RCAN2: variants seen among roughly 807,000 people sequenced by gnomAD.
RCAN2 encodes the protein calcipressin-2.
RCAN2 carries 9 observed loss-of-function variants against 23.6 expected under a neutral mutation model. That is an observed-to-expected ratio of 0.38 (90% CI 0.23 to 0.67). The LOEUF is 0.67. Ranked by LOEUF, RCAN2 falls within the 30% of genes least tolerant of loss-of-function variation. The pLI is 0.51. For missense variants in RCAN2, 273 were observed against 302.3 expected, an observed-to-expected ratio of 0.90 and a Z score of 0.72; for synonymous variants, 109 against 115.7, an observed-to-expected ratio of 0.94 and a Z score of 0.37.
chr6:46,367,645 T>C (rs1201560800), intron 2 of RCAN2, among the ~76,000 whole-genome samples: 2 of 152,210 alleles, frequency 1.3e-5, no homozygotes, highest in East Asian at 3.9e-4. Flanking sequence ...GGATGATGTA[T>C]TTTACACATC....
At chr6:46,396,985 C>T (rs930562527) in intron 2 of RCAN2, among the ~76,000 whole-genome samples, 1 of 152,000 alleles carries the variant, frequency 6.6e-6, no homozygotes, top group Non-Finnish European at 1.5e-5. Flanking sequence ...GTGGCATGCT[C>T]CTGTAATCCT....
chr6:46,440,809 T>C (rs1418582887), intron 2 of RCAN2, among the ~76,000 whole-genome samples: 1 of 152,120 alleles, frequency 6.6e-6, no homozygotes, highest in East Asian at 1.9e-4. Flanking sequence ...CTGGAACTAG[T>C]TCTAAAAGAA....
intron 2 of RCAN2, among the ~76,000 whole-genome samples, chr6:46,312,384 C>A (rs144238908): frequency 6.6e-6 from 1 of 152,106 alleles, no homozygotes; most frequent in Non-Finnish European, 1.5e-5. Context: ...TTTCCACTTA[C>A]GAGTTTTTAG....
intron 2 of RCAN2, among the ~76,000 whole-genome samples, chr6:46,315,597 G>C (rs775667143): frequency 3.9e-5 from 6 of 152,160 alleles, no homozygotes; most frequent in Non-Finnish European, 7.4e-5. Context: ...GAGGTCAGCA[G>C]GGCTGTTGGG....
At chr6:46,278,022 T>C (rs543813926) in intron 2 of RCAN2, among the ~76,000 whole-genome samples, 4 of 152,252 alleles carry the variant, frequency 2.6e-5, no homozygotes, top group African/African-American at 7.2e-5. Context: ...ATCTCCTAGC[T>C]TGAAAGTCAC....
At chr6:46,361,606 G>A (rs551822715) in intron 2 of RCAN2, among the ~76,000 whole-genome samples, 8 of 152,262 alleles carry the variant, frequency 5.3e-5, no homozygotes, top group Non-Finnish European at 1.0e-4. Flanking sequence ...AAATGACTTC[G>A]TTTAAAGTTT....
At chr6:46,320,021 A>G (rs1763559373) in intron 2 of RCAN2, among the ~76,000 whole-genome samples, 1 of 152,196 alleles carries the variant, frequency 6.6e-6, no homozygotes, top group Admixed American at 6.5e-5. Context: ...CGTTTTGGTT[A>G]CTGAACGTTA....
chr6:46,267,435 C>A (rs984082879), intron 2 of RCAN2, among the ~76,000 whole-genome samples: 1 of 152,184 alleles, frequency 6.6e-6, no homozygotes, highest in Admixed American at 6.5e-5. Context: ...AATCCCAGCA[C>A]TCTGGGAGGC....
intron 2 of RCAN2, among the ~76,000 whole-genome samples, chr6:46,417,527 CTCT>C (rs561575039): frequency 4.7e-4 from 71 of 152,246 alleles, no homozygotes; most frequent in South Asian, 1.2e-3. Flanking sequence ...AAGCAGGACA[CTCT>C]TCATTTATGA....
chr6:46,406,138 G>A lies in RCAN2; in HGVS notation c.225+50614C>T, dbSNP rs554618875. On this transcript the variant is annotated intron_variant, in intron 2 of 4. Transcript: ENST00000371374. ...CTGCGCGCAGCCCCGGTTCCTGCTCGCGCCTCTCCCTCCACACCTCCCTGC... is the reference window on the plus strand; with the variant it reads ...CTGCGCGCAGCCCCGGTTCCTGCTCACGCCTCTCCCTCCACACCTCCCTGC... 6.3e-3 allele frequency among the ~76,000 whole-genome samples: 965 copies of A among 152,236 alleles called. 12 individuals are homozygous for A. Among genetic ancestry groups the A allele is most frequent in the African/African-American group, 0.022 (935 of 41,562 alleles).
At chr6:46,325,867 C>A (rs969724523) in intron 2 of RCAN2, 1 of 985,328 alleles carries the variant, frequency 1.0e-6, no homozygotes, top group Non-Finnish European at 1.2e-6. Context: ...GCTGTTGTTG[C>A]AGCCGAGTGC....
chr6:46,270,463 G>GC (rs1343810340), intron 2 of RCAN2, among the ~76,000 whole-genome samples: 17 of 152,140 alleles, frequency 1.1e-4, no homozygotes, highest in African/African-American at 4.1e-4. Flanking sequence ...GAGAAGGTGG[G>GC]CCCCAGAGTC....
At chr6:46,344,124 G>C (rs1432586097) in intron 2 of RCAN2, among the ~76,000 whole-genome samples, 2 of 152,142 alleles carry the variant, frequency 1.3e-5, no homozygotes, top group Admixed American at 1.3e-4. Context: ...TAAAACTATT[G>C]TGATGATGGT....
At chr6:46,431,139 C>CTG (rs3084652) in intron 2 of RCAN2, among the ~76,000 whole-genome samples, 3,281 of 151,288 alleles carry the variant, frequency 0.022, 99 homozygotes, top group African/African-American at 0.071. Flanking sequence ...ATGTGTGTGT[C>CTG]TGTGTGTGTG....
At chr6:46,472,868 A>G (rs1187226229) in intron 1 of RCAN2, among the ~76,000 whole-genome samples, 1 of 152,222 alleles carries the variant, frequency 6.6e-6, no homozygotes, top group Non-Finnish European at 1.5e-5. Flanking sequence ...GTACAGGAAC[A>G]CTGGAACTTT....
At chr6:46,303,433 T>G (rs997602961) in intron 2 of RCAN2, among the ~76,000 whole-genome samples, 2 of 152,086 alleles carry the variant, frequency 1.3e-5, no homozygotes, top group South Asian at 4.1e-4. Flanking sequence ...CTATGCCTAA[T>G]GTAATAATTT....
chr6:46,378,528 C>A lies in RCAN2; in HGVS notation c.225+78224G>T, dbSNP rs188122893. ...AGGCTGGATTTATGTAAATCCCATACATCTTGGGAAGTTTGAAGGTGATGA... is the reference window on the plus strand; with the variant it reads ...AGGCTGGATTTATGTAAATCCCATAAATCTTGGGAAGTTTGAAGGTGATGA... On this transcript the variant is annotated intron_variant, in intron 2 of 4. Coordinates refer to ENST00000371374, the MANE Select transcript of RCAN2 (RefSeq NM_001251974.2). Among the ~76,000 whole-genome samples the A allele has an allele frequency of 3.1e-3, 471 of 152,274 alleles. 2 individuals are homozygous for A. The highest frequency in any genetic ancestry group is 0.01 in the African/African-American group (435 of 41,560).
intron 1 of RCAN2, among the ~76,000 whole-genome samples, chr6:46,473,358 C>T (rs1327259303): frequency 6.6e-6 from 1 of 152,130 alleles, no homozygotes; most frequent in African/African-American, 2.4e-5. Flanking sequence ...CACACACAAA[C>T]ACACACCCCT....
At chr6:46,414,648 T>G (rs1766651024) in intron 2 of RCAN2, among the ~76,000 whole-genome samples, 1 of 152,168 alleles carries the variant, frequency 6.6e-6, no homozygotes, top group South Asian at 2.1e-4. Context: ...AAAGACTAAC[T>G]TCCCTGGAGA....
Sources: allele counts gnomAD v4.1 joint callset (sites outside exome capture counted in the v4.1 genomes callset), GRCh38; gene constraint gnomAD v4.1.1; transcripts MANE v1.5; gene names NCBI Gene and HGNC (gene_info 2026-07-23, HGNC 2026-07-21).